The following SLC23A2 variants were observed in gnomAD, a reference collection of about 807,000 sequenced individuals.
The protein encoded by SLC23A2 is solute carrier family 23 member 2, also known as Na(+)/L-ascorbic acid transporter 2.
In SLC23A2, 36 loss-of-function variants were observed where a neutral mutation model predicts 73.3. The observed-to-expected ratio is 0.49, with a 90% CI of 0.38 to 0.65. The LOEUF is 0.65. Among genes scored for constraint, SLC23A2 ranks in the 30% least tolerant of loss-of-function variants. The pLI is 0.00. For missense variants in SLC23A2, 507 were observed against 841.6 expected (o/e 0.60, Z 4.92); for synonymous variants, 343 against 327.3 (o/e 1.05, Z -0.52).
intron 6 of SLC23A2, among the ~76,000 whole-genome samples, chr20:4,893,446 G>A (rs1380587766): frequency 6.6e-6 from 1 of 152,098 alleles, no homozygotes; most frequent in Non-Finnish European, 1.5e-5. Flanking sequence ...GAGAAGTGGG[G>A]TCTCTCCCTT....
Position 4,857,189 on chromosome 20 carries a change from C to T in SLC23A2, c.1736G>A (p.Arg579Lys). The stretch of plus-strand genomic sequence containing the variant: ...ACCCTTCTTCCATTTCCGGATTCCT[C>T]TTTCCTCTGGAGTGCCTGTCACACA... The part of the protein sequence containing the change: ...DNTIPGTPEE[R>K]GIRKWKKGVG... Residue 579 changes from arginine (R) to lysine (K), a missense_variant, in exon 17 of 17, where the codon AGA becomes AAA. Transcript: ENST00000338244. This position sits in a 1 kb window ranked among gnomAD's most constrained non-coding sequence, Gnocchi z 4.0. 1 of 1,604,406 alleles carries T rather than the reference C, an allele frequency of 6.2e-7. No homozygotes were observed. The highest frequency in any genetic ancestry group is 8.5e-7 in the Non-Finnish European group (1 of 1,173,748).
In SLC23A2 at chr20:4,874,799, T is replaced by C. The variant is rs577950011; in HGVS notation, c.825-103A>G. 89 of 939,950 alleles carry C rather than the reference T, an allele frequency of 9.5e-5. 1 individual carries two copies. The African/African-American group carries it at 1.4e-3, about 15-fold the overall frequency. The allele number at this position is 939,950 out of a possible 1,614,324, so 58.2% of individuals were successfully genotyped here. A position where few individuals can be genotyped will look rare whatever the true frequency, so the allele number is the denominator to read the frequency against. Reference sequence around the variant, plus strand: ...CAAAATTGACATAGTGTTCAATTCATTTACCTAGAAAGCTGCTAGTCCTCT... The same window carrying C: ...CAAAATTGACATAGTGTTCAATTCACTTACCTAGAAAGCTGCTAGTCCTCT... On this transcript the variant is annotated intron_variant, in intron 9 of 16. Transcript: ENST00000338244.
chr20:5,003,220 A>G (rs376744231), upstream of SLC23A2, among the ~76,000 whole-genome samples: 198 of 152,088 alleles, frequency 1.3e-3, 2 homozygotes, highest in African/African-American at 4.4e-3. Context: ...CGTCTCTACT[A>G]AAAATACAAA....
exon 1 of SLC23A2, chr20:5,010,275 G>T (rs2088236212): frequency 6.6e-6 from 1 of 152,106 alleles, no homozygotes; most frequent in Non-Finnish European, 1.5e-5. Context: ...TGATGTCCAA[G>T]GGCAGGAGAA....
intron 1 of SLC23A2, among the ~76,000 whole-genome samples, chr20:4,978,404 A>G (rs2087676862): frequency 1.3e-5 from 2 of 152,224 alleles, no homozygotes; most frequent in South Asian, 2.1e-4. Flanking sequence ...TCACGATTAG[A>G]TAATAACCAG....
chr20:4,943,984 G>A lies in SLC23A2; in HGVS notation c.-154-11268C>T, dbSNP rs1461100917. On this transcript the variant is annotated intron_variant, in intron 2 of 16. Coordinates refer to ENST00000338244, the MANE Select transcript of SLC23A2 (RefSeq NM_005116.6). ...ACGGGAAGCGGAGAGTGGTTACCTA[G>A]GGCAAGAATGGAGGAAAGGGCTCCC... Among the ~76,000 whole-genome samples the A allele has an allele frequency of 2.6e-5, 4 of 152,142 alleles. No individual in the cohort carries two copies. The East Asian group carries it at 5.8e-4, about 22-fold the overall frequency.
Position 4,902,597 on chromosome 20 carries a change from G to T in SLC23A2, c.208-39C>A, listed in dbSNP as rs751956193. The T allele has an allele frequency of 1.7e-6, 2 of 1,165,274 alleles. No individual in the cohort carries two copies. The highest frequency in any genetic ancestry group is 2.5e-6 in the Non-Finnish European group (2 of 786,536). The allele number at this position is 1,165,274 out of a possible 1,614,324, so 72.2% of individuals were successfully genotyped here. A position where few individuals can be genotyped will look rare whatever the true frequency, so the allele number is the denominator to read the frequency against. On this transcript the variant is annotated intron_variant, in intron 4 of 16. Transcript: ENST00000338244. The surrounding 1 kb of genome is among the most constrained non-coding windows in gnomAD (Gnocchi z 4.0). ...GGAGAAAAGAAGGTGCTCATTAAAC[G>T]TGAAGACCAGTGTTAGCTCGGCCAT...
rs761557290 is a variant in SLC23A2 at position 4,872,735 on chromosome 20, G to C, written c.1102+1201C>G. Among the ~76,000 whole-genome samples, 1 of 151,964 alleles carries C rather than the reference G, an allele frequency of 6.6e-6. No homozygotes were observed. Among genetic ancestry groups the C allele is most frequent in the Non-Finnish European group, 1.5e-5 (1 of 68,000 alleles). On this transcript the variant is annotated intron_variant, in intron 11 of 16. Coordinates refer to ENST00000338244, the MANE Select transcript of SLC23A2 (RefSeq NM_005116.6). The surrounding 1 kb of genome is among the most constrained non-coding windows in gnomAD (Gnocchi z 4.4). ...AATGCACACTTAGACCATACAATCT[G>C]ATGAGAAAGTTATTTTAGAAAGATG...
chr20:4,976,414 G>A (rs1348904858), intron 1 of SLC23A2, among the ~76,000 whole-genome samples: 1 of 152,038 alleles, frequency 6.6e-6, no homozygotes, highest in Non-Finnish European at 1.5e-5. Flanking sequence ...GGTGGCTAAC[G>A]CCTGTAATCC....
intron 3 of SLC23A2, among the ~76,000 whole-genome samples, chr20:4,915,175 G>C (rs1932281279): frequency 6.6e-6 from 1 of 152,090 alleles, no homozygotes; most frequent in Non-Finnish European, 1.5e-5. Flanking sequence ...GTCTAAAAAG[G>C]ACAGAAAAGC....
chr20:4,895,857 C>T (rs1474830546), intron 6 of SLC23A2, among the ~76,000 whole-genome samples: 2 of 152,214 alleles, frequency 1.3e-5, no homozygotes, highest in Non-Finnish European at 2.9e-5. Flanking sequence ...GGGGGCCTCA[C>T]CCTACTGAGG....
rs966170930 is a variant in SLC23A2, at chr20:4,868,467, C to T, written c.1251-592G>A. Among the ~76,000 whole-genome samples the T allele has an allele frequency of 6.6e-6, 1 of 152,010 alleles. No homozygotes were observed. Among genetic ancestry groups the T allele is most frequent in the Non-Finnish European group, 1.5e-5 (1 of 68,012 alleles). ...TTAGATTTGAGTGTTTTTAAATCACCGCAAATGAAAGCAAAGGATTTTAGC... is the reference window on the plus strand; with the variant it reads ...TTAGATTTGAGTGTTTTTAAATCACTGCAAATGAAAGCAAAGGATTTTAGC... On this transcript the variant is annotated intron_variant, in intron 12 of 16. Coordinates refer to ENST00000338244, the MANE Select transcript of SLC23A2 (RefSeq NM_005116.6). This position sits in a 1 kb window ranked among gnomAD's most constrained non-coding sequence, Gnocchi z 4.4.
At chr20:4,897,284 C>T (rs1252255492) in intron 6 of SLC23A2, among the ~76,000 whole-genome samples, 1 of 152,212 alleles carries the variant, frequency 6.6e-6, no homozygotes, top group East Asian at 1.9e-4. Context: ...ACACCTGCAC[C>T]TGCCCAGCAG....
intron 4 of SLC23A2, among the ~76,000 whole-genome samples, chr20:4,911,521 C>T (rs948372589): frequency 6.6e-6 from 1 of 152,092 alleles, no homozygotes; most frequent in Non-Finnish European, 1.5e-5. Context: ...TTGTATGTGT[C>T]AACTTCTGGG....
At chr20:4,870,612 T>C (rs1465909833) in intron 11 of SLC23A2, among the ~76,000 whole-genome samples, 1 of 151,972 alleles carries the variant, frequency 6.6e-6, no homozygotes, top group Non-Finnish European at 1.5e-5. Context: ...AAGACATTGT[T>C]GGGCTGGAAG....
chr20:4,867,674 G>A (rs1249720608), intron 13 of SLC23A2, 96 bp downstream of exon 13: 284 of 462,842 alleles, frequency 6.1e-4, no homozygotes, highest in South Asian at 2.3e-3. Context: ...TTTAGAACCA[G>A]AGGCCCGCCC....
At chr20:4,981,959 C>T (rs2087733471) in intron 1 of SLC23A2, among the ~76,000 whole-genome samples, 1 of 151,898 alleles carries the variant, frequency 6.6e-6, no homozygotes, top group Non-Finnish European at 1.5e-5. Context: ...CCTCGGCCTC[C>T]CAAAGTGCTG....
chr20:4,918,246 AAT>A (rs1180026012), intron 3 of SLC23A2, among the ~76,000 whole-genome samples: 1 of 152,220 alleles, frequency 6.6e-6, no homozygotes, highest in Non-Finnish European at 1.5e-5. Context: ...TTTTTATAAA[AAT>A]ATCAGCAGAT....
chr20:5,006,697 C>T (rs1235838724), intron 1 of SLC23A2, among the ~76,000 whole-genome samples: 1 of 151,682 alleles, frequency 6.6e-6, no homozygotes, highest in Non-Finnish European at 1.5e-5. Context: ...TTTGCCACCA[C>T]CCCCCACTAA....
Sources: allele counts gnomAD v4.1 joint callset (sites outside exome capture counted in the v4.1 genomes callset), GRCh38; gene constraint gnomAD v4.1.1; non-coding constraint Gnocchi (gnomAD v3.1); transcripts MANE v1.5; gene names NCBI Gene and HGNC (gene_info 2026-07-23, HGNC 2026-07-21).